Variants in PTCH2 observed in about 807,000 individuals in gnomAD.
PTCH2 encodes the protein patched 2.
In PTCH2, 96 loss-of-function variants were observed where a neutral mutation model predicts 117.9. The ratio of observed to expected loss-of-function variants is 0.81; its 90% CI spans 0.69 to 0.96. The LOEUF (loss-of-function observed/expected upper bound fraction) is 0.96. Among genes scored for constraint, PTCH2 ranks in the 50% least tolerant of loss-of-function variants. The pLI, the probability that PTCH2 is intolerant of heterozygous loss-of-function variation, is 0.00. For synonymous variants in PTCH2, 615 were observed against 660.9 expected, an observed-to-expected ratio of 0.93 and a Z score of 1.06; for missense variants, 1,379 against 1,562.5, an observed-to-expected ratio of 0.88 and a Z score of 1.98.
chr1:44,827,401 C>T lies in PTCH2; in HGVS notation c.2371+1G>A. 6.2e-7 allele frequency: 1 copy of T among 1,613,990 alleles called. No individual in the cohort carries two copies. Among genetic ancestry groups the T allele is most frequent in the Non-Finnish European group, 8.5e-7 (1 of 1,179,980 alleles). ...TCCCTGCCCGTCTCCTCGCCTCTCA[C>T]CCTGTAGCCAGTTGCGGTAATAGTG... On this transcript the variant is annotated splice_donor_variant, in intron 15 of 21. Transcript: ENST00000372192. LOFTEE classifies it high-confidence loss of function.
chr1:44,842,842 C>T lies in PTCH2; in HGVS notation c.72+19G>A. ...CCTGGCTCCGCTCTCTTCCTTCTTC[C>T]AGCTCCCCCTCTACTCACCTGGGGT... On this transcript the variant is annotated intron_variant, in intron 1 of 21. Transcript: ENST00000372192. The T allele has an allele frequency of 1.3e-6, 2 of 1,546,174 alleles. No homozygotes were observed. The highest frequency in any genetic ancestry group is 1.8e-6 in the Non-Finnish European group (2 of 1,142,140).
downstream of PTCH2, among the ~76,000 whole-genome samples, chr1:44,821,291 C>A (rs1302757888): frequency 6.6e-6 from 1 of 152,046 alleles, no homozygotes; most frequent in East Asian, 1.9e-4. Flanking sequence ...ACAGAACAAA[C>A]AACTTACGCT....
chr1:44,832,375 A>G, intron 2 of PTCH2, 34 bp from the exon 3 acceptor site: 1 of 1,612,156 alleles, frequency 6.2e-7, no homozygotes, highest in Non-Finnish European at 8.5e-7. Context: ...TGGGGGGGAA[A>G]GGGCCTAGGC....
chr1:44,819,943 G>C (rs188241457), downstream of PTCH2: 5 of 153,426 alleles, frequency 3.3e-5, no homozygotes, highest in African/African-American at 7.2e-5. Context: ...TCTCTCCACG[G>C]AAATCTTTAG....
In PTCH2 at chr1:44,823,039, G is replaced by A. The variant is rs1652977387; in HGVS notation, c.3357+30C>T. ...CCCTACCCCGTCCCTTGGGCTGGGA[G>A]TAGAGGGATGGTGCCGAGGGTGTGG... On this transcript the variant is annotated intron_variant, in intron 21 of 21. Coordinates refer to ENST00000372192, the MANE Select transcript of PTCH2 (RefSeq NM_003738.5). This position sits in a 1 kb window ranked among gnomAD's most constrained non-coding sequence, Gnocchi z 5.1. The A allele has an allele frequency of 5.0e-6, 8 of 1,602,340 alleles. No homozygotes were observed. The highest frequency in any genetic ancestry group is 6.8e-6 in the Non-Finnish European group (8 of 1,173,816).
intron 7 of PTCH2, 36 bp downstream of exon 7, chr1:44,829,873 C>G (rs752184769): frequency 6.2e-7 from 1 of 1,613,992 alleles, no homozygotes; most frequent in East Asian, 2.2e-5. Flanking sequence ...TTCTCATGAA[C>G]AGAGTCCCCT....
At chr1:44,835,102 G>A (rs1653628370) in intron 2 of PTCH2, among the ~76,000 whole-genome samples, 1 of 152,102 alleles carries the variant, frequency 6.6e-6, no homozygotes, top group South Asian at 2.1e-4. Flanking sequence ...ACAGGGTCTC[G>A]CTTTGTCACC....
chr1:44,841,212 C>A (rs1272158284), intron 2 of PTCH2, among the ~76,000 whole-genome samples: 4 of 133,642 alleles, frequency 3.0e-5, no homozygotes, highest in East Asian at 2.4e-4. Context: ...CAAAAAAAAA[C>A]CCCAAGAAAA....
intron 2 of PTCH2, 114 bp from the exon 3 acceptor site, chr1:44,832,455 G>A: frequency 9.1e-7 from 1 of 1,100,542 alleles, no homozygotes; most frequent in Non-Finnish European, 1.4e-6. Context: ...GTGCGGCAGA[G>A]AGGAGTCCCT....
At chr1:44,834,399 A>T (rs1573655742) in intron 2 of PTCH2, among the ~76,000 whole-genome samples, 1 of 152,146 alleles carries the variant, frequency 6.6e-6, no homozygotes, top group Non-Finnish European at 1.5e-5. Context: ...CTGGGATTAC[A>T]GGTGTGAGCC....
chr1:44,823,132 C>G lies in PTCH2; in HGVS notation c.3294G>C (p.Leu1098=). Residue 1098 remains leucine, a synonymous_variant, in exon 21 of 22, where the codon CTG becomes CTC. Coordinates refer to ENST00000372192, the MANE Select transcript of PTCH2 (RefSeq NM_003738.5). The surrounding 1 kb of genome is among the most constrained non-coding windows in gnomAD (Gnocchi z 5.1). ...FFAALTVLTL[L]GLLHGLVLLP... is the part of the protein sequence containing the mutation. ...GCAGCACGAGTCCATGGAGGAGGCC[C>G]AGGAGCGTGAGCACTGTCAGCGCCG... 1 of 1,614,044 alleles carries G rather than the reference C, an allele frequency of 6.2e-7. No homozygotes were observed. Among genetic ancestry groups the G allele is most frequent in the African/African-American group, 1.3e-5 (1 of 75,018 alleles).
Position 44,822,533 on chromosome 1 carries a change from T to TGGA in PTCH2, c.3491_3493dup (p.Ile1164_His1165insLeu). ...GTAGGCACCAGGCAGGGGGGGTGGG[T>TGGA]GGATGGCCACGGTCATGGAGGTAGT... On this transcript the variant is annotated inframe_insertion, in exon 22 of 22. Transcript: ENST00000372192. 1.9e-6 allele frequency: 3 copies of TGGA among 1,613,454 alleles called. No individual in the cohort carries two copies. Among genetic ancestry groups the TGGA allele is most frequent in the Non-Finnish European group, 2.5e-6 (3 of 1,179,816 alleles).
At chr1:44,827,805 G>A (rs770079631) in intron 14 of PTCH2, 38 bp downstream of exon 14, 3 of 1,613,232 alleles carry the variant, frequency 1.9e-6, no homozygotes, top group Non-Finnish European at 2.5e-6. Flanking sequence ...TCTGGGCCCA[G>A]AGATGCTAAG....
chr1:44,830,142 G>T, intron 6 of PTCH2, 112 bp from the exon 7 acceptor site: 1 of 1,429,988 alleles, frequency 7.0e-7, no homozygotes, highest in Non-Finnish European at 9.6e-7. Context: ...TAGGGCTGGA[G>T]TGTAGGTAAC....
rs1653437590 is a variant in PTCH2, at chr1:44,831,334, C to T, written c.618-291G>A. 6.6e-6 allele frequency among the ~76,000 whole-genome samples: 1 copy of T among 152,216 alleles called. No homozygotes were observed. Among genetic ancestry groups the T allele is most frequent in the African/African-American group, 2.4e-5 (1 of 41,460 alleles). On this transcript the variant is annotated intron_variant, in intron 5 of 21. Coordinates refer to ENST00000372192, the MANE Select transcript of PTCH2 (RefSeq NM_003738.5). The surrounding 1 kb of genome is among the most constrained non-coding windows in gnomAD (Gnocchi z 4.3). ...ACTGAGTTCCTTACCAAGCTGTGTG[C>T]TTGGTTCTAATATACAACCAGCAGG...
chr1:44,830,138 T>C, intron 6 of PTCH2, 108 bp from the exon 7 acceptor site: 1 of 1,458,320 alleles, frequency 6.9e-7, no homozygotes, highest in Non-Finnish European at 9.4e-7. Context: ...TCAGTAGGGC[T>C]GGAGTGTAGG....
intron 1 of PTCH2, 106 bp downstream of exon 1, chr1:44,842,755 G>T: frequency 8.6e-7 from 1 of 1,164,076 alleles, no homozygotes; most frequent in Non-Finnish European, 1.2e-6. Flanking sequence ...CTTGCCTTCA[G>T]ACATCTAATG....
intron 3 of PTCH2, 46 bp downstream of exon 3, chr1:44,832,106 A>C (rs535579713): frequency 1.2e-6 from 2 of 1,613,104 alleles, no homozygotes; most frequent in Middle Eastern, 3.3e-4. Flanking sequence ...CAGAACCCCC[A>C]CAGCACGCCT....
chr1:44,842,176 A>G (rs1653975898), intron 1 of PTCH2, 137 bp from the exon 2 acceptor site: 2 of 788,382 alleles, frequency 2.5e-6, no homozygotes, highest in East Asian at 5.3e-5. Context: ...CAACACAGAC[A>G]CAGGCCCAGA....
Sources: allele counts gnomAD v4.1 joint callset (sites outside exome capture counted in the v4.1 genomes callset), GRCh38; gene constraint gnomAD v4.1.1; non-coding constraint Gnocchi (gnomAD v3.1); transcripts MANE v1.5; gene names NCBI Gene and HGNC (gene_info 2026-07-23, HGNC 2026-07-21).